The following BPTF variants were observed in gnomAD, a reference collection of about 807,000 sequenced individuals.
The protein encoded by BPTF is nucleosome-remodeling factor subunit BPTF.
BPTF carries 18 observed loss-of-function variants against 292.5 expected under a neutral mutation model. That is an observed-to-expected ratio of 0.06 (90% CI 0.04 to 0.09). The LOEUF (loss-of-function observed/expected upper bound fraction) is 0.09, where lower values mean the gene tolerates loss of function less well. BPTF is among the 10% of genes least tolerant of loss of function. BPTF has a pLI of 1.00. For missense variants in BPTF, 2,726 were observed against 3,498.7 expected, an observed-to-expected ratio of 0.78 and a Z score of 5.57; for synonymous variants, 1,225 against 1,251.9, an observed-to-expected ratio of 0.98 and a Z score of 0.45.
chr17:67,948,054 T>G, intron 22 of BPTF, 27 bp from the exon 23 acceptor site: 1 of 1,591,486 alleles, frequency 6.3e-7, no homozygotes, highest in Non-Finnish European at 8.6e-7. Flanking sequence ...ACGCCCAGCA[T>G]TACATAGGTT....
chr17:67,954,241 C>T (rs143010036), intron 23 of BPTF, among the ~76,000 whole-genome samples: 335 of 151,960 alleles, frequency 2.2e-3, no homozygotes, highest in Non-Finnish European at 4.1e-3. Flanking sequence ...GTTGCCCAGG[C>T]TGGTCTCAGA....
At chr17:67,955,662 AC>A (rs1485236919) in intron 23 of BPTF, 4 of 151,906 alleles carry the variant, frequency 2.6e-5, no homozygotes, top group African/African-American at 9.7e-5. Context: ...TCCTGTCTCT[AC>A]TAAAAATGCA....
chr17:67,912,821 T>C lies in BPTF; in HGVS notation c.4937T>C (p.Ile1646Thr). ...STPSTGGSVD[I>T]ISVKEQSKTV... ...CCCTCCACAGGCGGCAGTGTGGACA[T>C]CATCTCTGTAAAGGAGCAGAGCAAA... Residue 1646 changes from isoleucine (I) to threonine (T), a missense_variant, in exon 11 of 28, where the codon ATC becomes ACC. Ile to Thr is a moderately conservative substitution (Grantham distance 89). Coordinates refer to ENST00000306378, the MANE Select transcript of BPTF (RefSeq NM_182641.4). The C allele has an allele frequency of 6.2e-7, 1 of 1,614,144 alleles. No individual in the cohort carries two copies. The highest frequency in any genetic ancestry group is 8.5e-7 in the Non-Finnish European group (1 of 1,180,014).
At position 67,911,835 on chromosome 17, in the gene BPTF, A is replaced by G; in HGVS notation, c.3951A>G (p.Glu1317=). The G allele has an allele frequency of 3.1e-6, 5 of 1,614,164 alleles. No homozygotes were observed. The highest frequency in any genetic ancestry group is 4.2e-6 in the Non-Finnish European group (5 of 1,180,030). ...IVQNSNESIS[E]QFRTREQDVE... is the part of the protein sequence containing the mutation. Reference sequence around the variant, plus strand: ...AGAATAGCAATGAAAGCATTTCTGAACAGTTCAGAACTCGAGAACAAGATG... The same window carrying G: ...AGAATAGCAATGAAAGCATTTCTGAGCAGTTCAGAACTCGAGAACAAGATG... Residue 1317 remains glutamate (E), a synonymous_variant, in exon 11 of 28, where the codon GAA becomes GAG. Coordinates refer to ENST00000306378, the MANE Select transcript of BPTF (RefSeq NM_182641.4).
At chr17:67,949,359 G>A (rs1555677159) in intron 23 of BPTF, among the ~76,000 whole-genome samples, 2 of 151,438 alleles carry the variant, frequency 1.3e-5, no homozygotes, top group Admixed American at 6.6e-5. Flanking sequence ...GGTGGATCAC[G>A]AGGTCAGGAG....
chr17:67,911,415 A>C lies in BPTF; in HGVS notation c.3531A>C (p.Thr1177=). The change falls in exon 11 of 28, where the codon ACA becomes ACC. Residue 1177 remains threonine (T), a synonymous_variant. Transcript: ENST00000306378. ...LDDVSIRSPE[T]KCPKQNSIEN... ...ATGTCTCCATTCGGAGCCCAGAAAC[A>C]AAATGTCCGAAACAAAATTCCATTG... 6.2e-7 allele frequency: 1 copy of C among 1,614,196 alleles called. No homozygotes were observed. Among genetic ancestry groups the C allele is most frequent in the Non-Finnish European group, 8.5e-7 (1 of 1,180,026 alleles).
intron 24 of BPTF, chr17:67,960,403 A>T (rs1253415976): frequency 1.3e-5 from 2 of 152,152 alleles, no homozygotes; most frequent in Non-Finnish European, 2.9e-5. Flanking sequence ...CCACTTTCTT[A>T]TCAGAGACAA....
chr17:67,864,321 G>A (rs138752015), intron 2 of BPTF, among the ~76,000 whole-genome samples: 294 of 152,056 alleles, frequency 1.9e-3, no homozygotes, highest in African/African-American at 6.8e-3. Context: ...GAGGCCAGAC[G>A]TTCAAGACTA....
In BPTF at chr17:67,922,964, G is replaced by A; in HGVS notation, c.5682G>A (p.Leu1894=). The A allele has an allele frequency of 6.2e-7, 1 of 1,613,904 alleles. No homozygotes were observed. The highest frequency in any genetic ancestry group is 8.5e-7 in the Non-Finnish European group (1 of 1,179,986). The change falls in exon 14 of 28, where the codon TTG becomes TTA. Residue 1894 remains leucine, a synonymous_variant. Coordinates refer to ENST00000306378, the MANE Select transcript of BPTF (RefSeq NM_182641.4). The part of the protein sequence containing the change: ...ETWVAEEELE[L]WEIRAFAERV... ...GGGTAGCAGAAGAAGAACTGGAATTGTGGGAGATCAGGGCATTTGCTGAGA... is the reference window on the plus strand; with the variant it reads ...GGGTAGCAGAAGAAGAACTGGAATTATGGGAGATCAGGGCATTTGCTGAGA...
intron 4 of BPTF, among the ~76,000 whole-genome samples, chr17:67,889,308 A>C (rs2060950625): frequency 6.6e-6 from 1 of 152,156 alleles, no homozygotes; most frequent in Non-Finnish European, 1.5e-5. Flanking sequence ...TTTGCACTAA[A>C]TTTAGCAAGT....
intron 18 of BPTF, among the ~76,000 whole-genome samples, chr17:67,938,998 G>C (rs1329371613): frequency 6.6e-6 from 1 of 152,118 alleles, no homozygotes; most frequent in East Asian, 1.9e-4. Flanking sequence ...TTACTTTACT[G>C]GTGATATCAA....
Position 67,911,284 on chromosome 17 carries a change from G to A in BPTF, c.3400G>A (p.Glu1134Lys), listed in dbSNP as rs754522302. Reference protein sequence around the residue: ...QSPNANNDQPEDLIQGCSESD... With the variant: ...QSPNANNDQPKDLIQGCSESD... ...CCCAAATGCAAATAATGATCAACCT[G>A]AGGACTTGATTCAGGGATGTTCAGA... Residue 1134 changes from glutamate (E) to lysine (K), a missense_variant, in exon 11 of 28, where the codon GAG becomes AAG. By Grantham distance (56) the Glu-to-Lys change is moderately conservative (BLOSUM62 1). This residue lies in a region of BPTF where 713 missense variants were observed against 714.9 expected (regional missense o/e 1.00). Transcript: ENST00000306378. The A allele has an allele frequency of 6.2e-7, 1 of 1,614,082 alleles. No homozygotes were observed. The highest frequency in any genetic ancestry group is 2.2e-5 in the East Asian group (1 of 44,862).
intron 2 of BPTF, among the ~76,000 whole-genome samples, chr17:67,859,577 G>A (rs2058952116): frequency 6.6e-6 from 1 of 152,152 alleles, no homozygotes; most frequent in South Asian, 2.1e-4. Context: ...TTTTTAGAAT[G>A]TGTTTTATAA....
intron 20 of BPTF, 55 bp downstream of exon 20, chr17:67,944,427 C>A: frequency 6.4e-7 from 1 of 1,571,538 alleles, no homozygotes. Context: ...CGTGGCTGGG[C>A]TAACAGAGGC....
intron 10 of BPTF, among the ~76,000 whole-genome samples, chr17:67,910,671 A>G (rs778715157): frequency 4.1e-4 from 62 of 152,180 alleles, no homozygotes; most frequent in Non-Finnish European, 7.9e-4. Context: ...ATGGTGGCAC[A>G]TGCCTATAAT....
At chr17:67,909,462 T>TA in intron 9 of BPTF, 120 bp from the exon 10 acceptor site, 2 of 667,050 alleles carry the variant, frequency 3.0e-6, no homozygotes, top group Non-Finnish European at 2.3e-6. Flanking sequence ...TTTTTTTTTT[T>TA]AAATGAAAAA....
intron 15 of BPTF, among the ~76,000 whole-genome samples, chr17:67,925,015 C>T (rs1343431407): frequency 6.8e-6 from 1 of 147,474 alleles, no homozygotes; most frequent in African/African-American, 2.5e-5. Context: ...TCCCAAAGTG[C>T]TGGGATTTTG....
At chr17:67,872,577 G>T (rs968538077) in intron 3 of BPTF, among the ~76,000 whole-genome samples, 8 of 151,916 alleles carry the variant, frequency 5.3e-5, no homozygotes, top group African/African-American at 1.9e-4. Flanking sequence ...GTGGTGGTAT[G>T]CGCCTATAGT....
chr17:67,851,931 T>TA (rs1296531421), intron 1 of BPTF, among the ~76,000 whole-genome samples: 1 of 148,828 alleles, frequency 6.7e-6, no homozygotes. Context: ...TTTTTTTTTT[T>TA]AATGCAGGAA....
Sources: allele counts gnomAD v4.1 joint callset (sites outside exome capture counted in the v4.1 genomes callset), GRCh38; gene constraint gnomAD v4.1.1; regional missense constraint gnomAD v4.1.1; transcripts MANE v1.5; gene names NCBI Gene and HGNC (gene_info 2026-07-23, HGNC 2026-07-21).